The following PHYKPL variants were observed in gnomAD, a reference collection of about 807,000 sequenced individuals.
PHYKPL encodes 5-phosphonooxy-L-lysine phospho-lyase.
PHYKPL carries 42 observed loss-of-function variants against 51.3 expected under a neutral mutation model. The ratio of observed to expected loss-of-function variants is 0.82; its 90% CI spans 0.64 to 1.06. The LOEUF (loss-of-function observed/expected upper bound fraction) is 1.06. Among genes scored for constraint, PHYKPL ranks in the 50% least tolerant of loss-of-function variants. PHYKPL has a pLI of 0.00. For missense variants in PHYKPL, 655 were observed against 586.6 expected (o/e 1.12, Z -1.20); for synonymous variants, 264 against 236.0 (o/e 1.12, Z -1.09).
intron 11 of PHYKPL, 28 bp downstream of exon 11, chr5:178,212,945 T>TA (rs1364336290): frequency 2.1e-5 from 34 of 1,612,564 alleles, no homozygotes; most frequent in Non-Finnish European, 2.8e-5. Flanking sequence ...GTTCTAGAGA[T>TA]ATGGCCAAGC....
chr5:178,214,665 A>C, intron 10 of PHYKPL, 131 bp downstream of exon 10: 2 of 772,110 alleles, frequency 2.6e-6, no homozygotes, highest in Non-Finnish European at 2.2e-6. Flanking sequence ...CGCCAGCCCC[A>C]GCCCTCTTTC....
chr5:178,223,096 T>C (rs1761530640), intron 6 of PHYKPL, among the ~76,000 whole-genome samples, 162 bp from the exon 7 acceptor site: 1 of 152,140 alleles, frequency 6.6e-6, no homozygotes, highest in South Asian at 2.1e-4. Context: ...GACTCAGTTT[T>C]CTCTCAGGCC....
At chr5:178,223,851 CGT>C in intron 6 of PHYKPL, 1 of 219,560 alleles carries the variant, frequency 4.6e-6, no homozygotes. Flanking sequence ...ATACTGCCCC[CGT>C]CAGGCCTCCC....
intron 9 of PHYKPL, 51 bp from the exon 10 acceptor site, chr5:178,214,936 G>T (rs539251612): frequency 6.4e-7 from 1 of 1,558,390 alleles, no homozygotes; most frequent in East Asian, 2.3e-5. Context: ...AGGGGCCAGG[G>T]TGCTGGCCTC....
Position 178,222,369 on chromosome 5 carries a change from C to G in PHYKPL, c.913G>C (p.Glu305Gln). ...VARAFEATGV[E>Q]YFNTFGGSPV... ...CCATCACTCACCGTGTTGAAGTACT[C>G]AACGCCGGTGGCTTCAAATGCCCTC... The change falls in exon 8 of 13, where the codon GAG (glutamate) becomes CAG (glutamine). Residue 305 changes from glutamate to glutamine, a missense_variant. Physicochemically the swap from Glu to Gln is conservative, Grantham distance 29. Coordinates refer to ENST00000308158, the MANE Select transcript of PHYKPL (RefSeq NM_153373.4). The G allele has an allele frequency of 6.2e-7, 1 of 1,612,780 alleles. No individual in the cohort carries two copies. Among genetic ancestry groups the G allele is most frequent in the Admixed American group, 1.7e-5 (1 of 59,986 alleles).
Position 178,211,895 on chromosome 5 carries a change from G to C in PHYKPL, c.*26C>G. On this transcript the variant is annotated 3_prime_UTR_variant, in exon 12 of 13. Transcript: ENST00000308158. ...AAGAAGCAAGGCCCACTCACCTGGA[G>C]TACACTTAGGCAGAGCAGGGCTGGC... The C allele has an allele frequency of 1.2e-6, 2 of 1,612,580 alleles. No individual in the cohort carries two copies. The highest frequency in any genetic ancestry group is 1.1e-5 in the South Asian group (1 of 91,010).
chr5:178,217,690 G>C (rs113910776), intron 8 of PHYKPL, among the ~76,000 whole-genome samples: 6,960 of 144,842 alleles, frequency 0.048, 211 homozygotes, highest in Admixed American at 0.066. Context: ...AACCCCGTCT[G>C]TACTAAAAAT....
At chr5:178,222,331 C>T (rs375663899) in intron 8 of PHYKPL, 24 bp downstream of exon 8, 78 of 1,592,752 alleles carry the variant, frequency 4.9e-5, no homozygotes, top group Non-Finnish European at 6.7e-5. Context: ...CATGTTGCTC[C>T]CTTGACTTAG....
intron 8 of PHYKPL, among the ~76,000 whole-genome samples, chr5:178,219,813 G>GT (rs1334436984): frequency 3.3e-5 from 5 of 152,074 alleles, no homozygotes; most frequent in Admixed American, 1.3e-4. Flanking sequence ...GATACTTCAC[G>GT]TAATCTGAAA....
Position 178,229,968 on chromosome 5 carries a change from G to A in PHYKPL, c.310C>T (p.Leu104Phe). The A allele has an allele frequency of 6.2e-7, 1 of 1,614,164 alleles. No homozygotes were observed. The highest frequency in any genetic ancestry group is 8.5e-7 in the Non-Finnish European group (1 of 1,180,004). Residue 104 changes from leucine (L) to phenylalanine (F), a missense_variant, in exon 3 of 13, where the codon CTC becomes TTC. By Grantham distance (22) the Leu-to-Phe change is conservative (BLOSUM62 0). Coordinates refer to ENST00000308158, the MANE Select transcript of PHYKPL (RefSeq NM_153373.4). Reference sequence around the variant, plus strand: ...GAATTCAGGAAATAGAACACACAGAGCTGCTCCGGCAGGGTCTCTGACAGC... The same window carrying A: ...GAATTCAGGAAATAGAACACACAGAACTGCTCCGGCAGGGTCTCTGACAGC... ...QRLSETLPEQ[L>F]CVFYFLNSGS...
chr5:178,225,308 C>T (rs1333625161), intron 4 of PHYKPL, 47 bp downstream of exon 4: 1 of 1,608,246 alleles, frequency 6.2e-7, no homozygotes, highest in Admixed American at 1.7e-5. Context: ...ACCAAGAAGC[C>T]TGTGGGCCAG....
chr5:178,208,067 G>C (rs1172701075), downstream of PHYKPL, among the ~76,000 whole-genome samples: 1 of 152,232 alleles, frequency 6.6e-6, no homozygotes, highest in Admixed American at 6.5e-5. Context: ...TCCAGGGTCA[G>C]TTGTGCTTTC....
At chr5:178,225,468 T>C (rs749089202) in intron 3 of PHYKPL, 39 bp from the exon 4 acceptor site, 31 of 1,606,434 alleles carry the variant, frequency 1.9e-5, no homozygotes, top group Non-Finnish European at 2.6e-5. Context: ...GAGAGTAGTC[T>C]AAGAGCTTCC....
intron 3 of PHYKPL, chr5:178,228,321 C>CG: frequency 1.8e-6 from 1 of 561,372 alleles, no homozygotes; most frequent in South Asian, 2.3e-5. Context: ...GCACAGTGCC[C>CG]GGGAAGCAAG....
In PHYKPL at chr5:178,223,301, G is replaced by A. The variant is rs989891467; in HGVS notation, c.619-367C>T. 3 of 449,710 alleles carry A rather than the reference G, an allele frequency of 6.7e-6. No individual in the cohort carries two copies. The Admixed American group carries it at 7.1e-5, about 11-fold the overall frequency. 27.9% of individuals were successfully genotyped at this position (449,710 alleles called of 1,614,324 possible). ...AGCCCCCTCTCTAAACCTACTCCTT[G>A]CCCTCTGCCTGGACATGCCTGCCTC... On this transcript the variant is annotated intron_variant, in intron 6 of 12. Transcript: ENST00000308158.
intron 12 of PHYKPL, chr5:178,209,586 C>T (rs73351260): frequency 0.094 from 66,749 of 706,498 alleles, 4,125 homozygotes; most frequent in African/African-American, 0.24. Flanking sequence ...GGAATAGGAA[C>T]GGCTCTGGGT....
In PHYKPL at chr5:178,232,563, T is replaced by C. The variant is rs756350022; in HGVS notation, c.-13A>G. ...GGTCTGCGGCCATGGTGGGTGGCCG[T>C]CAGTCGGTGCCGTGACGCCACGCGG... On this transcript the variant is annotated 5_prime_UTR_variant, in exon 1 of 13. Transcript: ENST00000308158. 2.5e-6 allele frequency: 3 copies of C among 1,186,324 alleles called. No homozygotes were observed. The highest frequency in any genetic ancestry group is 5.6e-5 in the South Asian group (2 of 35,938). 73.5% of individuals were successfully genotyped at this position (1,186,324 alleles called of 1,614,324 possible).
rs776400225 is a variant in PHYKPL, at chr5:178,229,935, C to G, written c.338+5G>C. On this transcript the variant is annotated splice_donor_5th_base_variant and intron_variant, in intron 3 of 12. Coordinates refer to ENST00000308158, the MANE Select transcript of PHYKPL (RefSeq NM_153373.4). ...CTTCCCGGGGGCTGGCCACAGTCCACTTACCCAGAATTCAGGAAATAGAAC... is the reference window on the plus strand; with the variant it reads ...CTTCCCGGGGGCTGGCCACAGTCCAGTTACCCAGAATTCAGGAAATAGAAC... 2.5e-6 allele frequency: 4 copies of G among 1,612,944 alleles called. No individual in the cohort carries two copies.
chr5:178,207,691 C>CTTTTTTTTT (rs34424574), downstream of PHYKPL, among the ~76,000 whole-genome samples: 16 of 78,756 alleles, frequency 2.0e-4, no homozygotes, highest in Non-Finnish European at 2.7e-4. Context: ...ACTTTGAGCA[C>CTTTTTTTTT]TTTTTTTTTT....
Sources: gnomAD v4.1 joint callset for allele counts (sites outside exome capture counted in the v4.1 genomes callset) on GRCh38, gnomAD v4.1.1 for gene constraint, MANE v1.5 for transcripts, NCBI Gene and HGNC (gene_info 2026-07-23, HGNC 2026-07-21) for gene names.